The following CELF2 variants were observed in gnomAD, a reference collection of about 807,000 sequenced individuals.
CELF2 encodes CUG triplet repeat RNA-binding protein 2.
CELF2 carries 8 observed loss-of-function variants against 62.6 expected under a neutral mutation model. The observed-to-expected ratio is 0.13, with a 90% CI of 0.07 to 0.23. The LOEUF is 0.23. Among genes scored for constraint, CELF2 ranks in the 10% least tolerant of loss-of-function variants. The pLI is 1.00. For missense variants in CELF2, 333 were observed against 671.0 expected (o/e 0.50, Z 5.56); for synonymous variants, 258 against 250.0 (o/e 1.03, Z -0.30).
chr10:10,593,809 C>T, the CELF2 span, among the ~76,000 whole-genome samples: 1 of 152,188 alleles, frequency 6.6e-6, no homozygotes, highest in Non-Finnish European at 1.5e-5. Context: ...TTGGCTCCAC[C>T]ACATTCCACA....
rs909699238 is a variant in CELF2 at position 11,165,247 on chromosome 10, C to G, written c.75-239C>G. 1.2e-5 allele frequency: 16 copies of G among 1,355,714 alleles called. No homozygotes were observed. The highest frequency in any genetic ancestry group is 1.5e-5 in the Non-Finnish European group (16 of 1,052,880). 84.0% of individuals were successfully genotyped at this position (1,355,714 alleles called of 1,614,324 possible). On this transcript the variant is annotated intron_variant, in intron 1 of 12. Transcript: ENST00000633077. The surrounding 1 kb of genome is among the most constrained non-coding windows in gnomAD (Gnocchi z 7.4). ...GGGTGACAGGCGGCAGGGCGCTGCC[C>G]CGTGCTCCCCCGGCTCTGCTCGACA...
At chr10:10,492,005 G>A in the CELF2 span, among the ~76,000 whole-genome samples, 41 of 151,202 alleles carry the variant, frequency 2.7e-4, 1 homozygote, top group East Asian at 1.4e-3. Flanking sequence ...TCTTCCTCCC[G>A]TCCTCTCACT....
the CELF2 span, among the ~76,000 whole-genome samples, chr10:10,538,582 C>T: frequency 6.6e-6 from 1 of 152,110 alleles, no homozygotes; most frequent in African/African-American, 2.4e-5. Flanking sequence ...GTCCTCCCAC[C>T]CCTATCCCCT....
chr10:10,750,819 G>T, the CELF2 span, among the ~76,000 whole-genome samples: 1 of 152,198 alleles, frequency 6.6e-6, no homozygotes, highest in Non-Finnish European at 1.5e-5. Context: ...AGCTGGCAAA[G>T]GCGTCCTTGA....
intron 2 of CELF2, among the ~76,000 whole-genome samples, chr10:11,189,907 C>T (rs2075903634): frequency 6.6e-6 from 1 of 152,202 alleles, no homozygotes; most frequent in Non-Finnish European, 1.5e-5. Context: ...TGTTCTTTCT[C>T]CTCTCATTCC....
chr10:10,553,899 G>A, the CELF2 span, among the ~76,000 whole-genome samples: 1 of 152,164 alleles, frequency 6.6e-6, no homozygotes, highest in Non-Finnish European at 1.5e-5. Context: ...AGGAGCTGTG[G>A]TCGCACCCAA....
chr10:10,956,637 T>C (rs2048928922), intron 2 of CELF2, among the ~76,000 whole-genome samples: 4 of 152,090 alleles, frequency 2.6e-5, no homozygotes, highest in Admixed American at 1.3e-4. Context: ...CCCGCAAAAG[T>C]GGGTTGCTGG....
chr10:10,718,597 CT>C, the CELF2 span, among the ~76,000 whole-genome samples: 2 of 148,646 alleles, frequency 1.3e-5, no homozygotes, highest in Non-Finnish European at 3.0e-5. Flanking sequence ...GCACTCCAGC[CT>C]GAGTGACAGA....
chr10:11,029,328 G>GTGC (rs1159010308), intron 1 of CELF2, among the ~76,000 whole-genome samples: 36 of 152,320 alleles, frequency 2.4e-4, no homozygotes, highest in Admixed American at 2.4e-3. Context: ...GGTCTTTGGA[G>GTGC]TGCTAAGAGA....
Position 11,268,674 on chromosome 10 carries a change from TC to T in CELF2, c.619-1991del, listed in dbSNP as rs1426275717. On this transcript the variant is annotated intron_variant, in intron 6 of 12. Coordinates refer to ENST00000633077, the MANE Select transcript of CELF2 (RefSeq NM_001326342.2). This position sits in a 1 kb window ranked among gnomAD's most constrained non-coding sequence, Gnocchi z 4.7. The stretch of plus-strand genomic sequence containing the variant: ...CATTCATGCTTACACAGAGGGGTCC[TC>T]TGACACTTAAATTTCTTGTTTGGTT... Among the ~76,000 whole-genome samples the T allele has an allele frequency of 4.8e-5, 7 of 146,534 alleles. No homozygotes were observed. The highest frequency in any genetic ancestry group is 3.0e-5 in the Non-Finnish European group (2 of 66,334).
rs909445680 is a variant in CELF2, at chr10:10,964,413, C to T, written c.89+44414C>T. On this transcript the variant is annotated intron_variant, in intron 2 of 13. Coordinates refer to the CELF2 transcript ENST00000636488. ...ACACTTTTGACCTTTAAGATGTCAT[C>T]TCGTGCCTTCAAAAAGGTAATTTGC... Among the ~76,000 whole-genome samples the T allele has an allele frequency of 5.3e-5, 8 of 152,284 alleles. No homozygotes were observed. In the South Asian group the frequency reaches 1.7e-3, roughly 32 times the overall value.
At chr10:10,873,311 CTTG>C (rs1435772537) in intron 1 of CELF2, among the ~76,000 whole-genome samples, 1 of 151,964 alleles carries the variant, frequency 6.6e-6, no homozygotes, top group Non-Finnish European at 1.5e-5. Flanking sequence ...CGAGCCGTAC[CTTG>C]TTGTGCATTA....
rs140736241 is a variant in CELF2, at chr10:11,216,175, G to T, written c.272-1250G>T. On this transcript the variant is annotated intron_variant, in intron 2 of 12. Transcript: ENST00000633077. ...AGTCTACCTTGTCCAAAAGGCAAAG[G>T]TTTTGTATATATTGACTGTCAGTAG... Among the ~76,000 whole-genome samples the T allele has an allele frequency of 3.3e-5, 5 of 152,166 alleles. No homozygotes were observed. In the East Asian group the frequency reaches 9.6e-4, roughly 29 times the overall value.
intron 1 of CELF2, among the ~76,000 whole-genome samples, chr10:11,099,133 T>C (rs1288418003): frequency 6.6e-6 from 1 of 152,166 alleles, no homozygotes; most frequent in Non-Finnish European, 1.5e-5. Context: ...AAGGAACTAT[T>C]TGAAAAACCA....
At chr10:10,824,403 C>A (rs1420565762) in intron 1 of CELF2, among the ~76,000 whole-genome samples, 2 of 152,082 alleles carry the variant, frequency 1.3e-5, no homozygotes, top group Non-Finnish European at 2.9e-5. Flanking sequence ...CCACAAAACC[C>A]CCCAAATTCA....
the CELF2 span, among the ~76,000 whole-genome samples, chr10:10,525,175 T>C: frequency 6.6e-6 from 1 of 152,176 alleles, no homozygotes; most frequent in African/African-American, 2.4e-5. Context: ...TTTTCAAGTA[T>C]ATCATACGTT....
At chr10:10,979,041 C>G (rs760511364) in intron 2 of CELF2, among the ~76,000 whole-genome samples, 2 of 152,160 alleles carry the variant, frequency 1.3e-5, no homozygotes, top group Non-Finnish European at 2.9e-5. Flanking sequence ...GTTTCAGGGC[C>G]AGTTCTCTGC....
intron 1 of CELF2, among the ~76,000 whole-genome samples, chr10:11,152,954 A>G (rs1320519672): frequency 6.6e-6 from 1 of 152,206 alleles, no homozygotes; most frequent in Non-Finnish European, 1.5e-5. Flanking sequence ...GATTTCTCTA[A>G]AGCTCATAAT....
At chr10:10,590,133 G>A in the CELF2 span, among the ~76,000 whole-genome samples, 1 of 152,154 alleles carries the variant, frequency 6.6e-6, no homozygotes, top group African/African-American at 2.4e-5. Flanking sequence ...GTATGACATA[G>A]CAGGCATGTG....
Sources: gnomAD v4.1 joint callset for allele counts (sites outside exome capture counted in the v4.1 genomes callset) on GRCh38, gnomAD v4.1.1 for gene constraint, Gnocchi (gnomAD v3.1) non-coding constraint, MANE v1.5 for transcripts, NCBI Gene and HGNC (gene_info 2026-07-23, HGNC 2026-07-21) for gene names.